Variants in RERE observed in about 807,000 individuals in gnomAD.
RERE encodes the protein arginine-glutamic acid dipeptide repeats, also known as arginine-glutamic acid dipeptide repeats protein.
Under a neutral mutation model 146.1 loss-of-function variants are expected in RERE, and 40 were observed. That is an observed-to-expected ratio of 0.27 (90% CI 0.21 to 0.36). RERE has a LOEUF of 0.36. RERE is among the 10% of genes least tolerant of loss of function. The pLI is 1.00. For synonymous variants in RERE, 1,003 were observed against 866.0 expected, an observed-to-expected ratio of 1.16 and a Z score of -2.78; for missense variants, 1,933 against 2,138.7, an observed-to-expected ratio of 0.90 and a Z score of 1.90.
rs1646559970 is a variant in RERE at position 8,596,754 on chromosome 1, TC to T, written c.522+17806del. Among the ~76,000 whole-genome samples the T allele has an allele frequency of 2.7e-5, 4 of 149,094 alleles. No individual in the cohort carries two copies. In the Admixed American group the frequency reaches 2.7e-4, roughly 10 times the overall value. ...TCAAACTCCTGGCCTCAAGTGATCC[TC>T]CCATCTCCAACTCCCCAAAGTGCTG... On this transcript the variant is annotated intron_variant, in intron 4 of 22. Coordinates refer to ENST00000400908, the MANE Select transcript of RERE (RefSeq NM_001042681.2).
Position 8,653,210 on chromosome 1 carries a change from AT to A in RERE, c.325+2762del, listed in dbSNP as rs1647719300. On this transcript the variant is annotated intron_variant, in intron 2 of 22. Transcript: ENST00000400908. The stretch of plus-strand genomic sequence containing the variant: ...CATTTTCCACACATATTTGACTACT[AT>A]TTTTGGTGAAATGTCCCCACTGACA... Among the ~76,000 whole-genome samples, 4 of 152,166 alleles carry A rather than the reference AT, an allele frequency of 2.6e-5. No individual in the cohort carries two copies. In the South Asian group the frequency reaches 8.3e-4, roughly 32 times the overall value.
Position 8,674,468 on chromosome 1 carries a change from G to A in RERE, c.-144-18027C>T, listed in dbSNP as rs868518734. On this transcript the variant is annotated intron_variant, in intron 1 of 22. Coordinates refer to ENST00000400908, the MANE Select transcript of RERE (RefSeq NM_001042681.2). ...ACAATAACTGTGATAACACCAAGCA[G>A]GACTGAAGGAGGCAGAGACTCCATT... Among the ~76,000 whole-genome samples the A allele has an allele frequency of 3.3e-5, 5 of 152,150 alleles. No individual in the cohort carries two copies. In the South Asian group the frequency reaches 1.0e-3, roughly 32 times the overall value.
chr1:8,746,577 C>G (rs1640425018), intron 1 of RERE, among the ~76,000 whole-genome samples: 1 of 152,030 alleles, frequency 6.6e-6, no homozygotes, highest in East Asian at 1.9e-4. Flanking sequence ...AGTATGGTTT[C>G]TATTGACTGT....
chr1:8,589,367 G>A (rs1646465315), intron 4 of RERE, among the ~76,000 whole-genome samples: 2 of 152,204 alleles, frequency 1.3e-5, no homozygotes, highest in Admixed American at 1.3e-4. Context: ...TTGAATCTGG[G>A]AGGTGGAGGT....
chr1:8,696,334 T>G (rs1639329152), intron 1 of RERE, among the ~76,000 whole-genome samples: 1 of 152,178 alleles, frequency 6.6e-6, no homozygotes, highest in Non-Finnish European at 1.5e-5. Context: ...TGGTACAGGC[T>G]GGGTACGGTA....
chr1:8,657,315 AAAAAAAAG>A (rs958931943), intron 1 of RERE, among the ~76,000 whole-genome samples: 1 of 144,848 alleles, frequency 6.9e-6, no homozygotes. Flanking sequence ...TCAAAAAAAA[AAAAAAAAG>A]AAGAAGAAAA....
At chr1:8,629,953 G>A (rs1207853804) in intron 2 of RERE, among the ~76,000 whole-genome samples, 1 of 152,182 alleles carries the variant, frequency 6.6e-6, no homozygotes, top group African/African-American at 2.4e-5. Context: ...ACCAAGCTGG[G>A]TGGCACAGCG....
intron 11 of RERE, among the ~76,000 whole-genome samples, chr1:8,446,994 G>GT (rs1431380427): frequency 6.6e-6 from 1 of 151,510 alleles, no homozygotes; most frequent in African/African-American, 2.4e-5. Context: ...ATTTCTTTTC[G>GT]TTCTTTTTTC....
intron 1 of RERE, among the ~76,000 whole-genome samples, chr1:8,703,413 G>A (rs528152318): frequency 2.0e-5 from 3 of 151,822 alleles, no homozygotes; most frequent in Admixed American, 6.5e-5. Flanking sequence ...TGACCCAGAC[G>A]CCGGGAGAGA....
intron 10 of RERE, among the ~76,000 whole-genome samples, chr1:8,491,883 A>T (rs1644983932): frequency 6.6e-6 from 1 of 152,206 alleles, no homozygotes; most frequent in African/African-American, 2.4e-5. Flanking sequence ...TACTCTAAGA[A>T]AACAATAAAT....
chr1:8,375,481 T>C lies in RERE; in HGVS notation c.1285-9507A>G, dbSNP rs563300135. ...GTGGCTGCTCTGAAGGTGAGTATCA[T>C]GGAATGGTGGCTTAGGAAGCCACTG... On this transcript the variant is annotated intron_variant, in intron 12 of 22. Coordinates refer to ENST00000400908, the MANE Select transcript of RERE (RefSeq NM_001042681.2). 5.9e-5 allele frequency among the ~76,000 whole-genome samples: 9 copies of C among 152,294 alleles called. No homozygotes were observed. The South Asian group carries it at 1.7e-3, about 28-fold the overall frequency.
In RERE at chr1:8,491,001, C is replaced by A. The variant is rs190606468; in HGVS notation, c.1104+4062G>T. ...AATAAGTTGTTTCAAAAATTACACA[C>A]TAGCAATCTCTTTTGTTAATAATGA... On this transcript the variant is annotated intron_variant, in intron 10 of 22. Coordinates refer to ENST00000400908, the MANE Select transcript of RERE (RefSeq NM_001042681.2). Among the ~76,000 whole-genome samples the A allele has an allele frequency of 1.3e-4, 19 of 150,760 alleles. 1 individual carries two copies. The East Asian group carries it at 3.5e-3, about 28-fold the overall frequency.
intron 1 of RERE, among the ~76,000 whole-genome samples, chr1:8,811,196 A>G (rs1641800086): frequency 6.6e-6 from 1 of 152,178 alleles, no homozygotes; most frequent in Non-Finnish European, 1.5e-5. Context: ...AGACAGACAT[A>G]TGCCCACATG....
At chr1:8,367,133 T>A (rs1172540617) in intron 12 of RERE, among the ~76,000 whole-genome samples, 3 of 151,626 alleles carry the variant, frequency 2.0e-5, no homozygotes, top group Non-Finnish European at 4.4e-5. Flanking sequence ...GAGGGGAAAG[T>A]GAGAGAGGGG....
intron 10 of RERE, among the ~76,000 whole-genome samples, chr1:8,492,583 C>G (rs746434841): frequency 6.6e-6 from 1 of 151,572 alleles, no homozygotes; most frequent in Non-Finnish European, 1.5e-5. Context: ...CAAAGTAAGA[C>G]GATGTCTCTA....
chr1:8,723,173 T>C (rs1298299373), intron 1 of RERE, among the ~76,000 whole-genome samples: 1 of 151,056 alleles, frequency 6.6e-6, no homozygotes, highest in Non-Finnish European at 1.5e-5. Context: ...GAGGGGGAGG[T>C]AGGAATCGAA....
intron 4 of RERE, among the ~76,000 whole-genome samples, chr1:8,601,017 CTTTTTTTTT>C (rs34455445): frequency 2.1e-5 from 2 of 95,072 alleles, no homozygotes; most frequent in African/African-American, 4.2e-5. Flanking sequence ...GTCTCCCAAA[CTTTTTTTTT>C]TTTTTTTTTT....
chr1:8,670,486 G>A (rs1223512789), intron 1 of RERE, among the ~76,000 whole-genome samples: 2 of 152,092 alleles, frequency 1.3e-5, no homozygotes, highest in African/African-American at 4.8e-5. Flanking sequence ...CAAACAAGTA[G>A]ATTACTACAG....
intron 16 of RERE, 114 bp downstream of exon 16, chr1:8,362,569 C>T (rs1641626209): frequency 7.4e-7 from 1 of 1,354,536 alleles, no homozygotes; most frequent in East Asian, 2.4e-5. Context: ...TCCAGACAGG[C>T]TCCATGAATG....
Sources: gnomAD v4.1 joint callset for allele counts (sites outside exome capture counted in the v4.1 genomes callset) on GRCh38, gnomAD v4.1.1 for gene constraint, MANE v1.5 for transcripts, NCBI Gene and HGNC (gene_info 2026-07-23, HGNC 2026-07-21) for gene names.